MSRA: variants seen among roughly 807,000 people sequenced by gnomAD.
MSRA encodes methionine sulfoxide reductase A, also known as mitochondrial peptide methionine sulfoxide reductase.
A neutral mutation model predicts 31.3 loss-of-function variants in MSRA; 54 were observed. The ratio of observed to expected loss-of-function variants is 1.73; its 90% CI spans 1.39 to 2.17. The LOEUF is 2.17. Ranked by LOEUF, MSRA falls within the 30% of genes most tolerant of loss-of-function variation. The pLI, the probability that MSRA is intolerant of heterozygous loss-of-function variation, is 0.00. For synonymous variants in MSRA, 169 were observed against 116.5 expected (o/e 1.45, Z -2.90); for missense variants, 507 against 300.9 (o/e 1.69, Z -5.07).
intron 1 of MSRA, among the ~76,000 whole-genome samples, chr8:10,163,998 T>C (rs114405386): frequency 0.022 from 3,296 of 152,350 alleles, 111 homozygotes; most frequent in African/African-American, 0.074. Flanking sequence ...CCCCTGGAAA[T>C]GTAAGAAGAA....
At chr8:10,339,289 A>G (rs1803257134) in intron 5 of MSRA, among the ~76,000 whole-genome samples, 1 of 152,136 alleles carries the variant, frequency 6.6e-6, no homozygotes, top group African/African-American at 2.4e-5. Context: ...CCCTTTCTGT[A>G]ACTTTTCTGG....
At chr8:10,134,831 T>C (rs1179461573) in intron 1 of MSRA, among the ~76,000 whole-genome samples, 1 of 152,242 alleles carries the variant, frequency 6.6e-6, no homozygotes, top group Admixed American at 6.5e-5. Context: ...ATTTTCTGTT[T>C]AAATGTTGTT....
chr8:10,174,401 A>G (rs552380637), intron 1 of MSRA, among the ~76,000 whole-genome samples: 2 of 152,146 alleles, frequency 1.3e-5, no homozygotes, highest in South Asian at 4.2e-4. Flanking sequence ...CCCGGGAGCA[A>G]GTCTATGTGT....
At chr8:10,270,771 A>G (rs1233738849) in intron 3 of MSRA, among the ~76,000 whole-genome samples, 1 of 152,258 alleles carries the variant, frequency 6.6e-6, no homozygotes, top group African/African-American at 2.4e-5. Context: ...TGAAGAATTT[A>G]GGAAAGCTGT....
intron 1 of MSRA, among the ~76,000 whole-genome samples, chr8:10,165,665 C>T (rs1245165199): frequency 6.6e-6 from 1 of 152,140 alleles, no homozygotes; most frequent in Non-Finnish European, 1.5e-5. Flanking sequence ...GTCCTAACCC[C>T]CAAATCAGGA....
intron 5 of MSRA, among the ~76,000 whole-genome samples, chr8:10,354,746 G>GTA: frequency 7.7e-6 from 1 of 130,084 alleles, no homozygotes; most frequent in African/African-American, 3.0e-5. Flanking sequence ...GTGTGTGTGT[G>GTA]TGTGTATATA....
At chr8:10,220,509 C>A (rs991144493) in intron 2 of MSRA, among the ~76,000 whole-genome samples, 4 of 152,236 alleles carry the variant, frequency 2.6e-5, no homozygotes, top group Non-Finnish European at 5.9e-5. Context: ...CAGGGTGAAT[C>A]AGCACTGTGT....
chr8:10,375,686 T>G (rs180987183), intron 5 of MSRA, among the ~76,000 whole-genome samples: 1 of 152,206 alleles, frequency 6.6e-6, no homozygotes, highest in Non-Finnish European at 1.5e-5. Context: ...CCAGTGGAAA[T>G]GGGAAAACAC....
At chr8:10,062,835 C>T (rs1000603101) in intron 1 of MSRA, among the ~76,000 whole-genome samples, 20 of 152,228 alleles carry the variant, frequency 1.3e-4, no homozygotes, top group Admixed American at 1.2e-3. Flanking sequence ...AGGAGTGGAT[C>T]GTGTTAGCTG....
intron 1 of MSRA, among the ~76,000 whole-genome samples, chr8:10,083,706 G>A (rs1348301527): frequency 2.0e-5 from 3 of 151,932 alleles, no homozygotes; most frequent in Non-Finnish European, 4.4e-5. Context: ...TATTCTGACA[G>A]TTTTATCTGC....
At chr8:10,159,042 A>G (rs1336576538) in intron 1 of MSRA, among the ~76,000 whole-genome samples, 1 of 152,238 alleles carries the variant, frequency 6.6e-6, no homozygotes, top group African/African-American at 2.4e-5. Context: ...CTGTCACCGT[A>G]TCAAAGAGGA....
chr8:10,370,311 C>T (rs753874769), intron 5 of MSRA, among the ~76,000 whole-genome samples: 1 of 152,198 alleles, frequency 6.6e-6, no homozygotes, highest in Non-Finnish European at 1.5e-5. Flanking sequence ...CCATGCTTCT[C>T]CCACTACCAG....
intron 1 of MSRA, among the ~76,000 whole-genome samples, chr8:10,194,965 T>A (rs1353682935): frequency 2.0e-5 from 3 of 152,256 alleles, no homozygotes; most frequent in Non-Finnish European, 2.9e-5. Context: ...CAAGAGTTTT[T>A]AAAAACAAAT....
rs533694713 is a variant in MSRA at position 10,428,758 on chromosome 8, A to G, written c.*446A>G. The G allele has an allele frequency of 1.1e-5, 2 of 185,464 alleles. No individual in the cohort carries two copies. The highest frequency in any genetic ancestry group is 2.2e-5 in the Non-Finnish European group (2 of 91,646). 11.5% of individuals were successfully genotyped at this position (185,464 alleles called of 1,614,324 possible). Reference sequence around the variant, plus strand: ...CGCTTTACCAAATCTAGACATACATAAGGGGCTTTCTCTCCCTTTTCAGCC... The same window carrying G: ...CGCTTTACCAAATCTAGACATACATGAGGGGCTTTCTCTCCCTTTTCAGCC... On this transcript the variant is annotated 3_prime_UTR_variant, in exon 6 of 6. Transcript: ENST00000317173.
intron 5 of MSRA, among the ~76,000 whole-genome samples, chr8:10,323,129 A>C (rs2129139699): frequency 6.6e-6 from 1 of 150,392 alleles, no homozygotes; most frequent in East Asian, 2.0e-4. Flanking sequence ...AGGGCTTAGT[A>C]CCCGAGGAAC....
intron 1 of MSRA, among the ~76,000 whole-genome samples, chr8:10,129,456 T>C (rs768913945): frequency 7.9e-5 from 12 of 152,156 alleles, no homozygotes; most frequent in Non-Finnish European, 1.5e-4. Flanking sequence ...TTTCTTGGAA[T>C]AATGAGTTTC....
chr8:10,320,760 G>T (rs751538443), intron 5 of MSRA, among the ~76,000 whole-genome samples: 15 of 152,162 alleles, frequency 9.9e-5, no homozygotes, highest in Non-Finnish European at 1.9e-4. Context: ...GTGAGGGAAG[G>T]GAAGGATCTG....
At chr8:10,135,023 T>C (rs1802169175) in intron 1 of MSRA, among the ~76,000 whole-genome samples, 2 of 152,220 alleles carry the variant, frequency 1.3e-5, no homozygotes, top group South Asian at 2.1e-4. Flanking sequence ...TTGTGTAATA[T>C]CTGACCTCAG....
Position 10,298,154 on chromosome 8 carries a change from G to A in MSRA, c.332-3380G>A, listed in dbSNP as rs562697034. Among the ~76,000 whole-genome samples the A allele has an allele frequency of 2.5e-3, 384 of 152,320 alleles. 2 individuals carry two copies. Among genetic ancestry groups the A allele is most frequent in the South Asian group, 0.015 (74 of 4,830 alleles). Reference sequence around the variant, plus strand: ...GGGACCATATGTCTCTGGCAAAATAGTTGTGAGCAATGTTTGTATGTCTGT... The same window carrying A: ...GGGACCATATGTCTCTGGCAAAATAATTGTGAGCAATGTTTGTATGTCTGT... On this transcript the variant is annotated intron_variant, in intron 3 of 5. Transcript: ENST00000317173.
Sources: allele counts gnomAD v4.1 joint callset (sites outside exome capture counted in the v4.1 genomes callset), GRCh38; gene constraint gnomAD v4.1.1; transcripts MANE v1.5; gene names NCBI Gene and HGNC (gene_info 2026-07-23, HGNC 2026-07-21).